EML1: variants seen among roughly 807,000 people sequenced by gnomAD.
The protein encoded by EML1 is echinoderm microtubule-associated protein-like 1.
Under a neutral mutation model 110.4 loss-of-function variants are expected in EML1, and 27 were observed. The ratio of observed to expected loss-of-function variants is 0.24; its 90% CI spans 0.18 to 0.34. EML1 has a LOEUF of 0.34. Among genes scored for constraint, EML1 ranks in the 10% least tolerant of loss-of-function variants. The pLI, the probability that EML1 is intolerant of heterozygous loss-of-function variation, is 1.00. For synonymous variants in EML1, 344 were observed against 385.8 expected, an observed-to-expected ratio of 0.89 and a Z score of 1.27; for missense variants, 741 against 1,030.9, an observed-to-expected ratio of 0.72 and a Z score of 3.85.
intron 1 of EML1, among the ~76,000 whole-genome samples, chr14:99,795,798 A>G (rs753561922): frequency 7.2e-5 from 11 of 152,326 alleles, no homozygotes; most frequent in Non-Finnish European, 1.5e-4. Flanking sequence ...ATACATTTTC[A>G]TATGTTCAGT....
intron 1 of EML1, among the ~76,000 whole-genome samples, chr14:99,802,977 G>A (rs1231001638): frequency 6.6e-6 from 1 of 151,992 alleles, no homozygotes; most frequent in African/African-American, 2.4e-5. Context: ...GTGCCCCCAG[G>A]TGCCCTTCCT....
upstream of EML1, among the ~76,000 whole-genome samples, chr14:99,769,034 T>C (rs2057395874): frequency 6.6e-6 from 1 of 152,054 alleles, no homozygotes; most frequent in Non-Finnish European, 1.5e-5. Flanking sequence ...TATATTATTT[T>C]TGACAGCAGT....
At chr14:99,795,683 A>G (rs142496401) in intron 1 of EML1, among the ~76,000 whole-genome samples, 2 of 152,352 alleles carry the variant, frequency 1.3e-5, no homozygotes, top group Non-Finnish European at 2.9e-5. Context: ...TAGGAACTAA[A>G]TTAAACATTT....
chr14:99,793,245 C>G (rs2057701315), upstream of EML1: 4 of 781,052 alleles, frequency 5.1e-6, no homozygotes, highest in East Asian at 2.6e-4. Context: ...CCCTCCCGGC[C>G]CGGGCCCCGC....
intron 1 of EML1, among the ~76,000 whole-genome samples, chr14:99,765,467 T>G (rs949946201): frequency 6.6e-6 from 1 of 152,162 alleles, no homozygotes; most frequent in African/African-American, 2.4e-5. Context: ...GTGAGTGTAA[T>G]CATATAGTAT....
chr14:99,787,569 A>G (rs2057615229), intron 1 of EML1, among the ~76,000 whole-genome samples: 1 of 152,154 alleles, frequency 6.6e-6, no homozygotes, highest in South Asian at 2.1e-4. Flanking sequence ...GTGAGCCACC[A>G]CACCCAGATT....
At chr14:99,762,587 CAA>C (rs2140189298) in intron 1 of EML1, among the ~76,000 whole-genome samples, 1 of 152,256 alleles carries the variant, frequency 6.6e-6, no homozygotes, top group East Asian at 1.9e-4. Flanking sequence ...TACTTGAGCC[CAA>C]GAGTTCAAAA....
At chr14:99,842,556 GC>G (rs2058649300) in intron 1 of EML1, among the ~76,000 whole-genome samples, 1 of 152,122 alleles carries the variant, frequency 6.6e-6, no homozygotes, top group African/African-American at 2.4e-5. Context: ...ACAAATGGGG[GC>G]TCTCCTAAGC....
intron 17 of EML1, among the ~76,000 whole-genome samples, chr14:99,923,867 C>T (rs950715400): frequency 1.3e-5 from 2 of 152,070 alleles, no homozygotes; most frequent in Non-Finnish European, 2.9e-5. Context: ...TGGCCCAGGC[C>T]GGTCTCAAAC....
At chr14:99,897,569 G>T (rs1345327578) in intron 7 of EML1, among the ~76,000 whole-genome samples, 1 of 152,086 alleles carries the variant, frequency 6.6e-6, no homozygotes, top group Non-Finnish European at 1.5e-5. Context: ...TCACTACTGC[G>T]CTCCGTGAGA....
At chr14:99,763,943 G>C (rs1162207504) in intron 1 of EML1, among the ~76,000 whole-genome samples, 2 of 152,138 alleles carry the variant, frequency 1.3e-5, no homozygotes, top group African/African-American at 4.8e-5. Flanking sequence ...ACCTGTGCAG[G>C]CTTCTTTGGA....
intron 1 of EML1, among the ~76,000 whole-genome samples, chr14:99,748,969 G>A (rs578057908): frequency 2.0e-5 from 3 of 152,186 alleles, no homozygotes; most frequent in African/African-American, 4.8e-5. Flanking sequence ...GGGTTCATTC[G>A]TGTTGGAGCC....
At chr14:99,821,276 C>T (rs564002633) in intron 1 of EML1, among the ~76,000 whole-genome samples, 42 of 152,180 alleles carry the variant, frequency 2.8e-4, no homozygotes, top group Middle Eastern at 6.8e-3. Flanking sequence ...CAAAGTGTTG[C>T]GATTACAGGC....
chr14:99,809,059 C>G (rs1025446347), intron 1 of EML1, among the ~76,000 whole-genome samples: 1 of 152,138 alleles, frequency 6.6e-6, no homozygotes, highest in Non-Finnish European at 1.5e-5. Context: ...TACCAAGTGG[C>G]TTTCTATTTG....
At chr14:99,767,206 T>C (rs549584440) in intron 1 of EML1, among the ~76,000 whole-genome samples, 13 of 152,248 alleles carry the variant, frequency 8.5e-5, no homozygotes, top group Non-Finnish European at 1.3e-4. Flanking sequence ...GAGCTTACTA[T>C]AGCCGAGAGG....
intron 1 of EML1, among the ~76,000 whole-genome samples, chr14:99,847,643 T>C (rs1321047723): frequency 6.6e-6 from 1 of 152,234 alleles, no homozygotes; most frequent in Non-Finnish European, 1.5e-5. Context: ...TATAGAATTG[T>C]CTGTTTCTAA....
chr14:99,897,069 C>T, intron 6 of EML1, 76 bp from the exon 7 acceptor site: 1 of 1,323,750 alleles, frequency 7.6e-7, no homozygotes, highest in Non-Finnish European at 1.0e-6. Context: ...TATTTTATTG[C>T]CTGTGCCTGT....
intron 1 of EML1, among the ~76,000 whole-genome samples, chr14:99,837,162 C>T (rs926350908): frequency 4.6e-5 from 7 of 152,098 alleles, no homozygotes; most frequent in Admixed American, 6.6e-5. Context: ...ACCCTCTCTG[C>T]GAACCCCAAT....
chr14:99,885,010 C>T (rs1455137546), intron 4 of EML1, among the ~76,000 whole-genome samples: 1 of 152,262 alleles, frequency 6.6e-6, no homozygotes, highest in African/African-American at 2.4e-5. Flanking sequence ...ATCTGTGACT[C>T]TGTAGCTCTC....
Sources: allele counts gnomAD v4.1 joint callset (sites outside exome capture counted in the v4.1 genomes callset), GRCh38; gene constraint gnomAD v4.1.1; transcripts MANE v1.5; gene names NCBI Gene and HGNC (gene_info 2026-07-23, HGNC 2026-07-21).